MANSC1: variants seen among roughly 807,000 people sequenced by gnomAD.
MANSC1 encodes the protein MANSC domain containing 1.
In MANSC1, 13 loss-of-function variants were observed where a neutral mutation model predicts 14.1. The observed-to-expected ratio is 0.92, with a 90% CI of 0.60 to 1.46. The LOEUF (loss-of-function observed/expected upper bound fraction) is 1.46, where lower values mean the gene tolerates loss of function less well. Ranked by LOEUF, MANSC1 falls within the 40% of genes most tolerant of loss-of-function variation. The pLI is 0.00. For synonymous variants in MANSC1, 227 were observed against 200.7 expected, an observed-to-expected ratio of 1.13 and a Z score of -1.11; for missense variants, 486 against 511.4, an observed-to-expected ratio of 0.95 and a Z score of 0.48.
Position 12,330,626 on chromosome 12 carries a change from C to A in MANSC1, c.697G>T (p.Ala233Ser). 1 of 1,614,174 alleles carries A rather than the reference C, an allele frequency of 6.2e-7. No homozygotes were observed. Among genetic ancestry groups the A allele is most frequent in the East Asian group, 2.2e-5 (1 of 44,882 alleles). ...GTAGCCGAGGTGGTATGTGGAGAAG[C>A]AACTGCCACCGTAGCTGGGAGCGCA... ...VSALPATVAVASPHTTSATPK... is the reference protein window; with the variant it reads ...VSALPATVAVSSPHTTSATPK... The change falls in exon 4 of 4, where the codon GCT becomes TCT. Residue 233 changes from alanine to serine, a missense_variant. Physicochemically the swap from Ala to Ser is moderately conservative, Grantham distance 99. Coordinates refer to ENST00000535902, the MANE Select transcript of MANSC1 (RefSeq NM_018050.4).
At chr12:12,337,034 G>T (rs1862866691) in intron 3 of MANSC1, among the ~76,000 whole-genome samples, 1 of 152,156 alleles carries the variant, frequency 6.6e-6, no homozygotes, top group African/African-American at 2.4e-5. Context: ...ACTTTGGGAG[G>T]CTAAGGAGGG....
intron 2 of MANSC1, 70 bp from the exon 3 acceptor site, chr12:12,338,630 A>G (rs1862891340): frequency 6.8e-7 from 1 of 1,468,916 alleles, no homozygotes; most frequent in East Asian, 2.3e-5. Context: ...AGTAGGAAAA[A>G]CTTCACTTAT....
At chr12:12,331,121 G>T (rs1318970921) in intron 3 of MANSC1, among the ~76,000 whole-genome samples, 163 bp from the exon 4 acceptor site, 1 of 152,148 alleles carries the variant, frequency 6.6e-6, no homozygotes, top group African/African-American at 2.4e-5. Context: ...GCAGGAGGAT[G>T]GTTTGAGGCC....
chr12:12,344,109 T>C (rs181342508), intron 1 of MANSC1, among the ~76,000 whole-genome samples: 196 of 151,990 alleles, frequency 1.3e-3, no homozygotes, highest in African/African-American at 4.2e-3. Flanking sequence ...CGAGACCATG[T>C]CTCAAAAAAA....
chr12:12,342,573 A>G (rs1361181979), intron 2 of MANSC1, among the ~76,000 whole-genome samples: 1 of 109,550 alleles, frequency 9.1e-6, no homozygotes, highest in Non-Finnish European at 1.7e-5. Flanking sequence ...CCTAGTAGTC[A>G]GTGTTTTTTT....
At chr12:12,332,072 A>G (rs769148652) in intron 3 of MANSC1, among the ~76,000 whole-genome samples, 2 of 152,164 alleles carry the variant, frequency 1.3e-5, no homozygotes, top group Non-Finnish European at 1.5e-5. Flanking sequence ...CCCATTTATC[A>G]CAGCTCAAAC....
Position 12,348,832 on chromosome 12 carries a change from G to A in MANSC1, c.-101+1246C>T, listed in dbSNP as rs1335465477. On this transcript the variant is annotated intron_variant, in intron 1 of 3. Transcript: ENST00000535902. ...ACAGTAAAATAGTAACATTTATTGC[G>A]TCTAAAATGCCAGTTTCTATGCTAA... Among the ~76,000 whole-genome samples the A allele has an allele frequency of 3.3e-5, 5 of 151,726 alleles. No homozygotes were observed. The East Asian group carries it at 5.8e-4, about 18-fold the overall frequency.
intron 3 of MANSC1, among the ~76,000 whole-genome samples, chr12:12,333,372 GA>G (rs1862818218): frequency 6.6e-6 from 1 of 152,054 alleles, no homozygotes; most frequent in Non-Finnish European, 1.5e-5. Flanking sequence ...AGTTAAAAAA[GA>G]AAAAGACTGT....
Position 12,329,085 on chromosome 12 carries a change from G to A in MANSC1, c.*942C>T, listed in dbSNP as rs1315824473. ...CATTTATCAGAACTGACTTATCATT[G>A]TCTCCATGTGGGCTAACATTCCGCT... On this transcript the variant is annotated 3_prime_UTR_variant, in exon 4 of 4. Coordinates refer to ENST00000535902, the MANE Select transcript of MANSC1 (RefSeq NM_018050.4). 6.6e-6 allele frequency: 1 copy of A among 151,254 alleles called. No individual in the cohort carries two copies. The allele number at this position is 151,254 out of a possible 1,614,324, so 9.4% of individuals were successfully genotyped here.
rs113840476 is a variant in MANSC1, at chr12:12,345,094, C to T, written c.-100-1680G>A. Among the ~76,000 whole-genome samples the T allele has an allele frequency of 4.4e-4, 66 of 148,944 alleles. 1 individual carries two copies. Among genetic ancestry groups the T allele is most frequent in the African/African-American group, 1.5e-3 (60 of 40,624 alleles). ...ACTTTGGGAGGTCAAGTCACGTGGG[C>T]GGATCACCTGAGGTCAGGAGTTCGA... On this transcript the variant is annotated intron_variant, in intron 1 of 3. Coordinates refer to ENST00000535902, the MANE Select transcript of MANSC1 (RefSeq NM_018050.4).
rs761472594 is a variant in MANSC1 at position 12,343,150 on chromosome 12, T to C, written c.165A>G (p.Val55=). The C allele has an allele frequency of 6.2e-7, 1 of 1,614,076 alleles. No individual in the cohort carries two copies. Among genetic ancestry groups the C allele is most frequent in the Admixed American group, 1.7e-5 (1 of 60,032 alleles). ...LSKGIRGNEP[V]YTSTQEDCIN... ...TGCAGTCTTCTTGAGTTGAAGTATA[T>C]ACGGGCTCATTGCCTCTGATTCCCT... The change falls in exon 2 of 4, where the codon GTA becomes GTG. Residue 55 remains valine, a synonymous_variant. Transcript: ENST00000535902.
At chr12:12,349,692 TACAC>T (rs995868264) in intron 1 of MANSC1, among the ~76,000 whole-genome samples, 14 of 152,158 alleles carry the variant, frequency 9.2e-5, no homozygotes, top group African/African-American at 3.4e-4. Flanking sequence ...TATAACTGTA[TACAC>T]ACACACACTC....
rs1376882142 is a variant in MANSC1 at position 12,343,287 on chromosome 12, T to C, written c.28A>G (p.Thr10Ala). MFFGGEGSL[T>A]YTLVIICFLT... ...AAGCAAATTATTACCAAAGTGTAAG[T>C]CAAGCTCCCTTCTCCCCCGAAGAAC... The change falls in exon 2 of 4, where the codon ACT (threonine) becomes GCT (alanine). Residue 10 changes from threonine (T) to alanine (A), a missense_variant. Thr to Ala is a moderately conservative substitution (Grantham distance 58). Coordinates refer to ENST00000535902, the MANE Select transcript of MANSC1 (RefSeq NM_018050.4). The C allele has an allele frequency of 6.2e-7, 1 of 1,613,814 alleles. No individual in the cohort carries two copies. Among genetic ancestry groups the C allele is most frequent in the Non-Finnish European group, 8.5e-7 (1 of 1,179,826 alleles).
In MANSC1 at chr12:12,335,262, G is replaced by T. The variant is rs543880695; in HGVS notation, c.364+3158C>A. Among the ~76,000 whole-genome samples, 17 of 151,980 alleles carry T rather than the reference G, an allele frequency of 1.1e-4. No individual in the cohort carries two copies. In the South Asian group the frequency reaches 1.5e-3, roughly 13 times the overall value. ...AGATCTCACCTGCGCCTCCTAACCA[G>T]TCTTTCCATTTCCACTTTGCTGCTG... On this transcript the variant is annotated intron_variant, in intron 3 of 3. Coordinates refer to ENST00000535902, the MANE Select transcript of MANSC1 (RefSeq NM_018050.4).
chr12:12,349,967 G>C (rs1863056108), intron 1 of MANSC1, 111 bp downstream of exon 1: 1 of 152,292 alleles, frequency 6.6e-6, no homozygotes, highest in Non-Finnish European at 1.5e-5. Flanking sequence ...TTGGATGCTC[G>C]GGTGTGGGTG....
intron 3 of MANSC1, among the ~76,000 whole-genome samples, chr12:12,333,154 C>T (rs1209967790): frequency 1.3e-5 from 2 of 152,046 alleles, no homozygotes; most frequent in Admixed American, 6.6e-5. Context: ...TCAAGCAATC[C>T]TCCCACCTCA....
rs967605552 is a variant in MANSC1, at chr12:12,346,219, C to T, written c.-100-2805G>A. ...ACCCCAGGCGGAGCTTGCAGCAAGCCGAGATTGCGCCACTGCACTGCAGCC... is the reference window on the plus strand; with the variant it reads ...ACCCCAGGCGGAGCTTGCAGCAAGCTGAGATTGCGCCACTGCACTGCAGCC... On this transcript the variant is annotated intron_variant, in intron 1 of 3. Coordinates refer to ENST00000535902, the MANE Select transcript of MANSC1 (RefSeq NM_018050.4). Among the ~76,000 whole-genome samples the T allele has an allele frequency of 3.9e-5, 6 of 152,000 alleles. No homozygotes were observed. In the South Asian group the frequency reaches 6.2e-4, roughly 16 times the overall value.
chr12:12,332,521 A>G (rs1394861557), intron 3 of MANSC1, among the ~76,000 whole-genome samples: 1 of 152,094 alleles, frequency 6.6e-6, no homozygotes, highest in Non-Finnish European at 1.5e-5. Context: ...TACGTTTTTT[A>G]AAATTTTTAT....
chr12:12,346,362 C>T (rs1863010500), intron 1 of MANSC1, among the ~76,000 whole-genome samples: 1 of 151,956 alleles, frequency 6.6e-6, no homozygotes, highest in Non-Finnish European at 1.5e-5. Context: ...GGATATCAAC[C>T]AACTGATTTT....
Sources: allele counts gnomAD v4.1 joint callset (sites outside exome capture counted in the v4.1 genomes callset), GRCh38; gene constraint gnomAD v4.1.1; transcripts MANE v1.5; gene names NCBI Gene and HGNC (gene_info 2026-07-23, HGNC 2026-07-21).